Variants in AP2B1 observed in about 807,000 individuals in gnomAD.
AP2B1 encodes the protein adaptor related protein complex 2 subunit beta 1.
A neutral mutation model predicts 102.0 loss-of-function variants in AP2B1; 23 were observed. The observed-to-expected ratio is 0.23, with a 90% CI of 0.16 to 0.32. The LOEUF (loss-of-function observed/expected upper bound fraction) is 0.32, where lower values mean the gene tolerates loss of function less well. Among genes scored for constraint, AP2B1 ranks in the 10% least tolerant of loss-of-function variants. AP2B1 has a pLI of 1.00. For synonymous variants in AP2B1, 381 were observed against 421.2 expected (o/e 0.90, Z 1.17); for missense variants, 541 against 1,157.4 (o/e 0.47, Z 7.73).
chr17:35,641,603 G>T (rs928213568), intron 11 of AP2B1, among the ~76,000 whole-genome samples: 2 of 151,972 alleles, frequency 1.3e-5, no homozygotes, highest in African/African-American at 2.4e-5. Flanking sequence ...AATAAACACA[G>T]GTAACTATCT....
intron 18 of AP2B1, among the ~76,000 whole-genome samples, chr17:35,702,077 C>A (rs977047243): frequency 1.1e-4 from 17 of 152,322 alleles, no homozygotes; most frequent in Admixed American, 5.9e-4. Flanking sequence ...GACAGGAATT[C>A]TTTCCCTCAT....
chr17:35,689,003 A>G (rs1765013504), intron 18 of AP2B1, among the ~76,000 whole-genome samples: 1 of 152,124 alleles, frequency 6.6e-6, no homozygotes, highest in African/African-American at 2.4e-5. Flanking sequence ...TTTATGAAAC[A>G]TTTTTAACAT....
chr17:35,700,351 G>A (rs1046181658), intron 18 of AP2B1, among the ~76,000 whole-genome samples: 1 of 151,946 alleles, frequency 6.6e-6, no homozygotes, highest in African/African-American at 2.4e-5. Context: ...ATTCCTCAGA[G>A]AACTGGAGAT....
chr17:35,672,553 T>G (rs993578030), intron 16 of AP2B1, among the ~76,000 whole-genome samples: 3 of 152,214 alleles, frequency 2.0e-5, no homozygotes, highest in Non-Finnish European at 4.4e-5. Flanking sequence ...CTAATCTGAC[T>G]CCTTATGGGG....
intron 5 of AP2B1, among the ~76,000 whole-genome samples, chr17:35,610,469 G>T (rs1269447493): frequency 6.7e-6 from 1 of 150,288 alleles, no homozygotes; most frequent in Non-Finnish European, 1.5e-5. Context: ...ATTACATAAA[G>T]AAATTAGTTG....
Position 35,601,041 on chromosome 17 carries a change from G to A in AP2B1, c.143+2706G>A, listed in dbSNP as rs147407066. The A allele has an allele frequency of 2.3e-4, 230 of 980,410 alleles. No homozygotes were observed. The African/African-American group carries it at 3.7e-3, about 16-fold the overall frequency. The allele number at this position is 980,410 out of a possible 1,614,324, so 60.7% of individuals were successfully genotyped here. A position where few individuals can be genotyped will look rare whatever the true frequency, so the allele number is the denominator to read the frequency against. ...TGTCCTGTGACCATCTATCTAAGGA[G>A]TTGGCAAACGTTTTTGTAAAGGACA... On this transcript the variant is annotated intron_variant, in intron 3 of 21. Transcript: ENST00000610402.
intron 14 of AP2B1, among the ~76,000 whole-genome samples, chr17:35,665,961 TA>T (rs1404402869): frequency 6.6e-6 from 1 of 152,262 alleles, no homozygotes; most frequent in Admixed American, 6.5e-5. Context: ...GATATTCCTT[TA>T]TAAAATTTAA....
At chr17:35,596,868 A>G (rs1420944868) in intron 2 of AP2B1, 1 of 691,372 alleles carries the variant, frequency 1.4e-6, no homozygotes, top group Non-Finnish European at 2.7e-6. Context: ...AGCAGGAAGA[A>G]GCCATATGCT....
At chr17:35,679,363 G>A (rs1285150045) in intron 17 of AP2B1, among the ~76,000 whole-genome samples, 1 of 150,862 alleles carries the variant, frequency 6.6e-6, no homozygotes, top group Non-Finnish European at 1.5e-5. Context: ...CATCTCCAGG[G>A]CCCCCTTGGT....
At chr17:35,632,716 T>C (rs1388393900) in intron 9 of AP2B1, among the ~76,000 whole-genome samples, 1 of 152,042 alleles carries the variant, frequency 6.6e-6, no homozygotes, top group African/African-American at 2.4e-5. Context: ...CTTTGAAAAT[T>C]AATATCCCTG....
intron 17 of AP2B1, among the ~76,000 whole-genome samples, chr17:35,678,900 C>T (rs2075757227): frequency 6.6e-6 from 1 of 152,134 alleles, no homozygotes; most frequent in South Asian, 2.1e-4. Context: ...ATTATCTGGT[C>T]ATCCCTTCCC....
chr17:35,653,696 G>A (rs954891869), intron 13 of AP2B1, among the ~76,000 whole-genome samples: 1 of 151,996 alleles, frequency 6.6e-6, no homozygotes, highest in Non-Finnish European at 1.5e-5. Context: ...GGCTGGTCTC[G>A]AACTCTTGAC....
chr17:35,720,573 A>ATAT (rs1324333805), intron 21 of AP2B1, among the ~76,000 whole-genome samples: 26 of 28,064 alleles, frequency 9.3e-4, no homozygotes, highest in African/African-American at 1.6e-3. Flanking sequence ...ATATATATAT[A>ATAT]TTTTTTTTTT....
At chr17:35,601,180 A>G (rs536345233) in intron 3 of AP2B1, 2 of 163,052 alleles carry the variant, frequency 1.2e-5, no homozygotes. Context: ...ACAAATTTCC[A>G]CAAATTTTTT....
chr17:35,695,654 G>A (rs1032001140), intron 18 of AP2B1, among the ~76,000 whole-genome samples: 2 of 151,826 alleles, frequency 1.3e-5, no homozygotes, highest in African/African-American at 4.8e-5. Flanking sequence ...TTTTTTATTG[G>A]CCCCTAATCC....
At chr17:35,626,529 C>G in intron 6 of AP2B1, 92 bp from the exon 7 acceptor site, 2 of 1,046,768 alleles carry the variant, frequency 1.9e-6, no homozygotes, top group Non-Finnish European at 2.8e-6. Context: ...TTTTTTGATA[C>G]TTGGCCATTA....
chr17:35,680,512 G>A (rs1018169195), intron 17 of AP2B1, among the ~76,000 whole-genome samples: 4 of 152,060 alleles, frequency 2.6e-5, no homozygotes, highest in African/African-American at 9.6e-5. Flanking sequence ...AGGGACCACA[G>A]GAACACACCA....
At chr17:35,605,490 TC>T (rs1300422587) in intron 3 of AP2B1, among the ~76,000 whole-genome samples, 1 of 152,232 alleles carries the variant, frequency 6.6e-6, no homozygotes, top group Non-Finnish European at 1.5e-5. Flanking sequence ...CCTCAGGTGA[TC>T]CGCCTGCCTT....
chr17:35,670,437 C>A (rs1457036678), intron 14 of AP2B1, among the ~76,000 whole-genome samples: 2 of 152,124 alleles, frequency 1.3e-5, no homozygotes, highest in African/African-American at 4.8e-5. Flanking sequence ...TTTTCCAACA[C>A]CTCCCCACCC....
Sources: allele counts gnomAD v4.1 joint callset (sites outside exome capture counted in the v4.1 genomes callset), GRCh38; gene constraint gnomAD v4.1.1; transcripts MANE v1.5; gene names NCBI Gene and HGNC (gene_info 2026-07-23, HGNC 2026-07-21).